Variants in RUNX1 observed in about 807,000 individuals in gnomAD.
RUNX1 encodes RUNX family transcription factor 1, also known as runt-related transcription factor 1.
Under a neutral mutation model 42.8 loss-of-function variants are expected in RUNX1, and 19 were observed. That is an observed-to-expected ratio of 0.44 (90% CI 0.31 to 0.65). RUNX1 has a LOEUF of 0.65. RUNX1 is among the 30% of genes least tolerant of loss of function. RUNX1 has a pLI of 0.07. For missense variants in RUNX1, 528 were observed against 672.0 expected (o/e 0.79, Z 2.37); for synonymous variants, 271 against 289.4 (o/e 0.94, Z 0.64).
At chr21:34,976,845 A>T (rs377614357) in intron 2 of RUNX1, among the ~76,000 whole-genome samples, 1 of 151,392 alleles carries the variant, frequency 6.6e-6, no homozygotes, top group Non-Finnish European at 1.5e-5. Context: ...CTGCTAGGTG[A>T]TATCGGTAGA....
Position 34,799,447 on chromosome 21 carries a change from T to C in RUNX1, c.821A>G (p.Gln274Arg), listed in dbSNP as rs556287817. The C allele has an allele frequency of 6.2e-7, 1 of 1,614,132 alleles. No homozygotes were observed. Among genetic ancestry groups the C allele is most frequent in the South Asian group, 1.1e-5 (1 of 91,076 alleles). The stretch of plus-strand genomic sequence containing the variant: ...ATCGTAGGACCACGGTGGGGATGGT[T>C]GGATCTGCCTTGTATCTGAAGAGAA... ...QSQMQDTRQI[Q>R]PSPPWSYDQS... The change falls in exon 8 of 9, where the codon CAA (glutamine) becomes CGA (arginine). Residue 274 changes from glutamine (Q) to arginine (R), a missense_variant. Around this residue, in one of 3 missense-constraint regions of RUNX1, gnomAD observed 331 missense variants for 382.5 expected, o/e 0.87. Coordinates refer to ENST00000675419, the MANE Select transcript of RUNX1 (RefSeq NM_001754.5).
At chr21:35,001,616 C>G (rs1033245412) in intron 2 of RUNX1, among the ~76,000 whole-genome samples, 6 of 152,098 alleles carry the variant, frequency 3.9e-5, no homozygotes, top group Admixed American at 2.6e-4. Flanking sequence ...CTTGCCACTT[C>G]TATTCAACAC....
intron 8 of RUNX1, among the ~76,000 whole-genome samples, chr21:34,796,387 T>G (rs1047857365): frequency 6.6e-6 from 1 of 152,242 alleles, no homozygotes; most frequent in Non-Finnish European, 1.5e-5. Context: ...GTGTCTTGTC[T>G]CAGATCCCTT....
intron 2 of RUNX1, among the ~76,000 whole-genome samples, chr21:34,977,976 CG>C (rs1269273745): frequency 1.3e-5 from 2 of 150,978 alleles, no homozygotes; most frequent in Non-Finnish European, 2.9e-5. Context: ...GGCTGGATTG[CG>C]GTGGCAGTGA....
At chr21:34,995,052 C>T (rs541620032) in intron 2 of RUNX1, among the ~76,000 whole-genome samples, 2 of 152,194 alleles carry the variant, frequency 1.3e-5, no homozygotes, top group African/African-American at 2.4e-5. Context: ...GGCATTTAAG[C>T]CCGAAAGGAA....
chr21:34,978,811 C>A (rs1601629909), intron 2 of RUNX1, among the ~76,000 whole-genome samples: 1 of 152,170 alleles, frequency 6.6e-6, no homozygotes, highest in South Asian at 2.1e-4. Flanking sequence ...CCTCTGTCTG[C>A]TGGAAGGCTT....
chr21:34,948,185 T>G (rs1452998012), intron 2 of RUNX1, among the ~76,000 whole-genome samples: 2 of 152,108 alleles, frequency 1.3e-5, no homozygotes, highest in African/African-American at 4.8e-5. Context: ...AAATCATTTC[T>G]TCATATAAAT....
In RUNX1 at chr21:34,789,603, C is replaced by T. The variant is rs886057037; in HGVS notation, c.*2532G>A. On this transcript the variant is annotated 3_prime_UTR_variant, in exon 9 of 9. Transcript: ENST00000675419. ...AATTTTTCACACACACACACACACA[C>T]GCACACACACACACATACAAAAATG... is the stretch of plus-strand genomic sequence containing the variant. 47 of 233,026 alleles carry T rather than the reference C, an allele frequency of 2.0e-4. No homozygotes were observed. The highest frequency in any genetic ancestry group is 6.8e-5 in the Non-Finnish European group (8 of 118,022). The allele number at this position is 233,026 out of a possible 1,614,324, so 14.4% of individuals were successfully genotyped here.
At chr21:34,848,151 AACAGAGGGATAT>A (rs980607675) in intron 6 of RUNX1, among the ~76,000 whole-genome samples, 5 of 152,196 alleles carry the variant, frequency 3.3e-5, no homozygotes, top group Non-Finnish European at 1.5e-5. Flanking sequence ...AATAATCCCC[AACAGAGGGATAT>A]CATACTCCTG....
chr21:35,038,796 G>T (rs1452808048), intron 2 of RUNX1: 2 of 454,722 alleles, frequency 4.4e-6, no homozygotes, highest in East Asian at 1.4e-4. Context: ...ACTTCCCAGG[G>T]CTCCTTCCAG....
intron 2 of RUNX1, among the ~76,000 whole-genome samples, chr21:35,032,762 C>G (rs997937075): frequency 3.3e-5 from 5 of 152,220 alleles, no homozygotes; most frequent in African/African-American, 1.2e-4. Flanking sequence ...TCTAATATTC[C>G]CACATACAGC....
At chr21:34,952,101 C>T (rs1441189938) in intron 2 of RUNX1, among the ~76,000 whole-genome samples, 1 of 152,072 alleles carries the variant, frequency 6.6e-6, no homozygotes, top group African/African-American at 2.4e-5. Flanking sequence ...CTGGAAATCA[C>T]CATTCTCAGC....
intron 3 of RUNX1, 88 bp downstream of exon 3, chr21:34,892,837 A>C: frequency 1.3e-6 from 1 of 783,420 alleles, no homozygotes; most frequent in South Asian, 1.6e-5. Flanking sequence ...ATCACAAGTT[A>C]TACATAGAGA....
At chr21:34,829,923 T>C (rs1299501305) in intron 7 of RUNX1, 1 of 152,182 alleles carries the variant, frequency 6.6e-6, no homozygotes, top group East Asian at 1.9e-4. Flanking sequence ...CTTTTGTCTA[T>C]CCAGATGATA....
chr21:34,934,526 C>T (rs748798762), intron 2 of RUNX1, among the ~76,000 whole-genome samples: 6 of 152,130 alleles, frequency 3.9e-5, no homozygotes, highest in Admixed American at 1.3e-4. Flanking sequence ...TGGTCCAGCT[C>T]GCTGTGTCTT....
intron 2 of RUNX1, among the ~76,000 whole-genome samples, chr21:35,022,383 T>C (rs12483476): frequency 0.055 from 8,322 of 152,276 alleles, 348 homozygotes; most frequent in Non-Finnish European, 0.082. Context: ...GAAGGGTGTC[T>C]GGTATCAGTA....
chr21:34,856,036 T>C (rs1474066410), intron 6 of RUNX1, among the ~76,000 whole-genome samples: 1 of 152,256 alleles, frequency 6.6e-6, no homozygotes, highest in Non-Finnish European at 1.5e-5. Flanking sequence ...GGTCCATTAC[T>C]GTAAAAGAGC....
At chr21:34,820,593 C>T (rs985288337) in intron 7 of RUNX1, among the ~76,000 whole-genome samples, 18 of 151,326 alleles carry the variant, frequency 1.2e-4, no homozygotes, top group African/African-American at 7.3e-5. Context: ...CCCCTGAACC[C>T]GGGAGGTAGA....
chr21:34,874,162 A>ACACACACACG (rs2057780046), intron 5 of RUNX1, among the ~76,000 whole-genome samples: 1 of 151,864 alleles, frequency 6.6e-6, no homozygotes, highest in East Asian at 1.9e-4. Context: ...GCACACACGC[A>ACACACACACG]CACACACACG....
Sources: gnomAD v4.1 joint callset for allele counts (sites outside exome capture counted in the v4.1 genomes callset) on GRCh38, gnomAD v4.1.1 for gene constraint, gnomAD v4.1.1 regional missense constraint, MANE v1.5 for transcripts, NCBI Gene and HGNC (gene_info 2026-07-23, HGNC 2026-07-21) for gene names.